The following UBR2 variants were observed in gnomAD, a reference collection of about 807,000 sequenced individuals.
The protein encoded by UBR2 is ubiquitin protein ligase E3 component n-recognin 2, also known as E3 ubiquitin-protein ligase UBR2.
Under a neutral mutation model 247.9 loss-of-function variants are expected in UBR2, and 92 were observed. The observed-to-expected ratio is 0.37, with a 90% CI of 0.31 to 0.44. The LOEUF (loss-of-function observed/expected upper bound fraction) is 0.44. UBR2 is among the 20% of genes least tolerant of loss of function. The pLI, the probability that UBR2 is intolerant of heterozygous loss-of-function variation, is 1.00. For missense variants in UBR2, 1,613 were observed against 2,112.6 expected (o/e 0.76, Z 4.64); for synonymous variants, 672 against 693.5 (o/e 0.97, Z 0.49).
chr6:42,594,051 G>A (rs1792825009), intron 3 of UBR2, 140 bp from the exon 4 acceptor site: 1 of 537,660 alleles, frequency 1.9e-6, no homozygotes, highest in Admixed American at 3.5e-5. Context: ...GAGAGGTTTG[G>A]CATTTTATCT....
At chr6:42,638,661 G>A (rs1441655770) in intron 15 of UBR2, among the ~76,000 whole-genome samples, 1 of 152,134 alleles carries the variant, frequency 6.6e-6, no homozygotes, top group Non-Finnish European at 1.5e-5. Flanking sequence ...GCATGGTGTT[G>A]TGGAAAAGTA....
rs925021635 is a variant in UBR2, at chr6:42,692,668, C to G, written c.*1495C>G. ...AATTACATCTACAAGTTTTGTTCCA[C>G]TCAGCTACCAGTCAACTAGGCATGC... On this transcript the variant is annotated 3_prime_UTR_variant, in exon 47 of 47. Transcript: ENST00000372901. 5.3e-5 allele frequency: 8 copies of G among 152,162 alleles called. No individual in the cohort carries two copies. The highest frequency in any genetic ancestry group is 5.9e-5 in the Non-Finnish European group (4 of 68,034). The allele number at this position is 152,162 out of a possible 1,614,324, so 9.4% of individuals were successfully genotyped here. A position where few individuals can be genotyped will look rare whatever the true frequency, so the allele number is the denominator to read the frequency against.
At chr6:42,665,808 G>C (rs961622496) in intron 33 of UBR2, among the ~76,000 whole-genome samples, 8 of 152,134 alleles carry the variant, frequency 5.3e-5, no homozygotes, top group African/African-American at 1.7e-4. Flanking sequence ...TTAGTTCTCG[G>C]TGGGCTAACT....
At chr6:42,600,048 G>A (rs896093565) in intron 4 of UBR2, among the ~76,000 whole-genome samples, 1 of 152,106 alleles carries the variant, frequency 6.6e-6, no homozygotes, top group African/African-American at 2.4e-5. Context: ...GATGACTGCA[G>A]CCTCTAGTTT....
At chr6:42,635,688 A>G (rs895119413) in intron 14 of UBR2, 142 bp downstream of exon 14, 3 of 1,005,196 alleles carry the variant, frequency 3.0e-6, no homozygotes, top group South Asian at 5.5e-5. Flanking sequence ...TTCTCCACCT[A>G]TAAACTCAGT....
chr6:42,588,629 T>C (rs1792449951), intron 2 of UBR2, among the ~76,000 whole-genome samples: 1 of 152,164 alleles, frequency 6.6e-6, no homozygotes, highest in African/African-American at 2.4e-5. Flanking sequence ...CAGGCCACAC[T>C]GCACTCCAGC....
At chr6:42,627,208 G>A (rs1470344810) in intron 11 of UBR2, among the ~76,000 whole-genome samples, 1 of 152,112 alleles carries the variant, frequency 6.6e-6, no homozygotes, top group Non-Finnish European at 1.5e-5. Context: ...CTAGGTGGGG[G>A]CCATAAGACC....
chr6:42,655,548 T>G, intron 25 of UBR2, 73 bp from the exon 26 acceptor site: 1 of 815,552 alleles, frequency 1.2e-6, no homozygotes, highest in Non-Finnish European at 1.9e-6. Flanking sequence ...ATAATTCTTT[T>G]TTCCTATTTC....
chr6:42,673,207 T>G (rs1193392259), intron 36 of UBR2, among the ~76,000 whole-genome samples: 1 of 152,218 alleles, frequency 6.6e-6, no homozygotes, highest in Non-Finnish European at 1.5e-5. Context: ...ATACTCTACA[T>G]TTTACGGAAG....
intron 2 of UBR2, among the ~76,000 whole-genome samples, chr6:42,584,035 T>C (rs1380944804): frequency 2.7e-5 from 4 of 147,710 alleles, no homozygotes; most frequent in African/African-American, 1.0e-4. Context: ...TTTGCTCTTG[T>C]TGCCCAGGCT....
In UBR2 at chr6:42,648,531, T is replaced by G. The variant is rs1796919628; in HGVS notation, c.2462+361T>G. On this transcript the variant is annotated intron_variant, in intron 22 of 46. Coordinates refer to ENST00000372901, the MANE Select transcript of UBR2 (RefSeq NM_001363705.2). ...GTGCTGCCTAAATTGTGGGATAGCC[T>G]CTCAATGCCACCTTCTCCAGTGTCC... Among the ~76,000 whole-genome samples, 3 of 152,214 alleles carry G rather than the reference T, an allele frequency of 2.0e-5. 1 individual carries two copies. In the South Asian group the frequency reaches 6.2e-4, roughly 31 times the overall value.
intron 44 of UBR2, among the ~76,000 whole-genome samples, chr6:42,686,125 A>T (rs1248973151): frequency 6.7e-6 from 1 of 149,224 alleles, no homozygotes; most frequent in Admixed American, 6.7e-5. Context: ...TGTTTCTCGG[A>T]GGGGGGGATT....
chr6:42,577,556 G>A (rs945403781), intron 2 of UBR2, among the ~76,000 whole-genome samples: 15 of 146,006 alleles, frequency 1.0e-4, no homozygotes, highest in Non-Finnish European at 1.8e-4. Context: ...AAAAATCTTA[G>A]TGGGCAAAAA....
intron 31 of UBR2, among the ~76,000 whole-genome samples, chr6:42,662,581 A>G (rs2151976516): frequency 6.6e-6 from 1 of 152,322 alleles, no homozygotes; most frequent in East Asian, 1.9e-4. Context: ...CTAGAAGGGT[A>G]ATGTTGTCTT....
At chr6:42,618,428 TTAA>T (rs1392856633) in intron 11 of UBR2, among the ~76,000 whole-genome samples, 1 of 152,238 alleles carries the variant, frequency 6.6e-6, no homozygotes, top group African/African-American at 2.4e-5. Flanking sequence ...AGTTACTTTA[TTAA>T]TAAGGCATAT....
chr6:42,688,026 A>C (rs150844564), intron 44 of UBR2, among the ~76,000 whole-genome samples, 190 bp from the exon 45 acceptor site: 353 of 151,772 alleles, frequency 2.3e-3, no homozygotes, highest in Non-Finnish European at 4.2e-3. Context: ...TTTCCAGTAC[A>C]TGGTCTTTGT....
chr6:42,660,907 C>T (rs1041786405), intron 30 of UBR2, among the ~76,000 whole-genome samples: 3 of 151,488 alleles, frequency 2.0e-5, no homozygotes, highest in African/African-American at 7.3e-5. Context: ...GCAGAGGTTG[C>T]AGTGAGCCGA....
intron 8 of UBR2, among the ~76,000 whole-genome samples, chr6:42,614,177 C>CAAAAAAA (rs1167450076): frequency 2.6e-4 from 3 of 11,392 alleles, no homozygotes; most frequent in African/African-American, 1.3e-3. Context: ...ACTCTGTCTC[C>CAAAAAAA]AAAAAAAAAA....
rs761502428 is a variant in UBR2, at chr6:42,658,088, T to C, written c.2937T>C (p.Ala979=). The C allele has an allele frequency of 6.2e-7, 1 of 1,614,094 alleles. No individual in the cohort carries two copies. The highest frequency in any genetic ancestry group is 1.1e-5 in the South Asian group (1 of 91,082). ...CTATGCTGGAAACACTACAAAATGC[T>C]CCCTACCTAGAAGTCCACAAAGACA... ...ILAMLETLQN[A]PYLEVHKDMI... Residue 979 remains alanine (A), a synonymous_variant, in exon 27 of 47, where the codon GCT becomes GCC. Transcript: ENST00000372901.
Sources: allele counts gnomAD v4.1 joint callset (sites outside exome capture counted in the v4.1 genomes callset), GRCh38; gene constraint gnomAD v4.1.1; transcripts MANE v1.5; gene names NCBI Gene and HGNC (gene_info 2026-07-23, HGNC 2026-07-21).